Variants in RFESD observed in about 807,000 individuals in gnomAD.
RFESD encodes the protein Rieske Fe-S domain containing, also known as Rieske domain-containing protein.
Under a neutral mutation model 24.4 loss-of-function variants are expected in RFESD, and 16 were observed. That is an observed-to-expected ratio of 0.66 (90% CI 0.44 to 1.00). The LOEUF (loss-of-function observed/expected upper bound fraction) is 1.00, where lower values mean the gene tolerates loss of function less well. RFESD is among the 50% of genes least tolerant of loss of function. The pLI, the probability that RFESD is intolerant of heterozygous loss-of-function variation, is 0.00. For missense variants in RFESD, 208 were observed against 247.0 expected, an observed-to-expected ratio of 0.84 and a Z score of 1.06; for synonymous variants, 59 against 81.8, an observed-to-expected ratio of 0.72 and a Z score of 1.50.
intron 3 of RFESD, 53 bp downstream of exon 3, chr5:95,653,267 T>TA: frequency 6.5e-7 from 1 of 1,548,570 alleles, no homozygotes; most frequent in Non-Finnish European, 8.7e-7. Context: ...CTGTAATAGC[T>TA]ATCTGGTTGT....
intron 1 of RFESD, among the ~76,000 whole-genome samples, chr5:95,651,186 A>C (rs1750318740): frequency 6.6e-6 from 1 of 152,090 alleles, no homozygotes; most frequent in African/African-American, 2.4e-5. Flanking sequence ...TACAATGCAG[A>C]TTCCTTTTGA....
Position 95,656,513 on chromosome 5 carries a change from C to A in RFESD, c.*204C>A. ...ATCAATAGAATACATTTTATCGAAT[C>A]TTCTGGATTAATTAGAAACCTGAAG... is the stretch of plus-strand genomic sequence containing the variant. On this transcript the variant is annotated 3_prime_UTR_variant, in exon 6 of 6. Coordinates refer to ENST00000380005, the MANE Select transcript of RFESD (RefSeq NM_001131066.2). 2.1e-6 allele frequency: 1 copy of A among 484,714 alleles called. No homozygotes were observed. Among genetic ancestry groups the A allele is most frequent in the East Asian group, 3.4e-5 (1 of 29,750 alleles). 30.0% of individuals were successfully genotyped at this position (484,714 alleles called of 1,614,324 possible). A position where few individuals can be genotyped will look rare whatever the true frequency, so the allele number is the denominator to read the frequency against.
Position 95,653,124 on chromosome 5 carries a change from T to C in RFESD, c.68T>C (p.Ile23Thr), listed in dbSNP as rs1344637515. Residue 23 changes from isoleucine to threonine, a missense_variant, in exon 3 of 6, where the codon ATT (isoleucine) becomes ACT (threonine). Coordinates refer to ENST00000380005, the MANE Select transcript of RFESD (RefSeq NM_001131066.2). ...SLSTLPLQYG[I>T]LFPKLLACLV... ...TATTTGCTCTTCTTTCAGTATGGAA[T>C]TCTCTTCCCCAAGCTGTTGGCATGT... 1 of 1,551,718 alleles carries C rather than the reference T, an allele frequency of 6.4e-7. No individual in the cohort carries two copies. Among genetic ancestry groups the C allele is most frequent in the Non-Finnish European group, 8.7e-7 (1 of 1,146,980 alleles).
At chr5:95,654,672 A>G (rs1407296784) in intron 5 of RFESD, among the ~76,000 whole-genome samples, 1 of 152,220 alleles carries the variant, frequency 6.6e-6, no homozygotes, top group Non-Finnish European at 1.5e-5. Flanking sequence ...GGTTAAATAA[A>G]TTATGATACA....
At chr5:95,646,978 A>C (rs1267259672) in intron 1 of RFESD, 161 bp downstream of exon 1, 1 of 152,408 alleles carries the variant, frequency 6.6e-6, no homozygotes, top group Non-Finnish European at 1.5e-5. Flanking sequence ...TAACCCGCCA[A>C]GGCGGGCTTC....
chr5:95,653,743 C>T (rs1313350160), intron 3 of RFESD, among the ~76,000 whole-genome samples: 1 of 151,984 alleles, frequency 6.6e-6, no homozygotes. Context: ...ACTAAAAATA[C>T]AAAAATTAGC....
chr5:95,654,286 A>C, intron 4 of RFESD, 47 bp from the exon 5 acceptor site: 2 of 1,609,236 alleles, frequency 1.2e-6, no homozygotes, highest in South Asian at 2.2e-5. Context: ...AAACTATCAA[A>C]ATTTCAGTTT....
At chr5:95,652,955 CTTCAG>C in intron 2 of RFESD, 157 bp from the exon 3 acceptor site, 1 of 930,068 alleles carries the variant, frequency 1.1e-6, no homozygotes, top group South Asian at 1.9e-5. Flanking sequence ...GCTTTATACT[CTTCAG>C]TGGCTTTCCT....
chr5:95,648,711 C>T (rs1202152093), intron 1 of RFESD, among the ~76,000 whole-genome samples: 1 of 151,984 alleles, frequency 6.6e-6, no homozygotes, highest in Non-Finnish European at 1.5e-5. Flanking sequence ...TTTATCAGTC[C>T]CGTAAAAGTT....
At position 95,653,134 on chromosome 5, in the gene RFESD, C is replaced by G. The variant is rs1032159235; in HGVS notation, c.78C>G (p.Pro26=). The change falls in exon 3 of 6, where the codon CCC becomes CCG. Residue 26 remains proline, a synonymous_variant. Coordinates refer to ENST00000380005, the MANE Select transcript of RFESD (RefSeq NM_001131066.2). ...TLPLQYGILF[P]KLLACLVHLH... is the part of the protein sequence containing the mutation. ...TCTTTCAGTATGGAATTCTCTTCCC[C>G]AAGCTGTTGGCATGTCTAGTTCATT... 3 of 1,551,694 alleles carry G rather than the reference C, an allele frequency of 1.9e-6. No homozygotes were observed. The highest frequency in any genetic ancestry group is 2.6e-6 in the Non-Finnish European group (3 of 1,147,000).
At chr5:95,650,954 C>T (rs1038304916) in intron 1 of RFESD, among the ~76,000 whole-genome samples, 5 of 151,798 alleles carry the variant, frequency 3.3e-5, no homozygotes, top group African/African-American at 4.8e-5. Flanking sequence ...AAAAATTATC[C>T]GGGTGTGGTG....
chr5:95,649,616 T>A (rs1217537647), intron 1 of RFESD, among the ~76,000 whole-genome samples: 1 of 152,224 alleles, frequency 6.6e-6, no homozygotes, highest in Non-Finnish European at 1.5e-5. Flanking sequence ...TGGTATAATT[T>A]TTTGTCAGCC....
chr5:95,649,414 A>G (rs868043247), intron 1 of RFESD, among the ~76,000 whole-genome samples: 5 of 152,030 alleles, frequency 3.3e-5, no homozygotes, highest in Admixed American at 1.3e-4. Flanking sequence ...TCTACTGTTG[A>G]TGGGTTTTGT....
intron 1 of RFESD, chr5:95,647,538 G>C (rs1469102155): frequency 6.6e-6 from 1 of 152,136 alleles, no homozygotes; most frequent in African/African-American, 2.4e-5. Context: ...AACATCATAC[G>C]ATGGTGCTGA....
At position 95,652,154 on chromosome 5, in the gene RFESD, A is replaced by G. The variant is rs1336451914; in HGVS notation, c.-118A>G. The G allele has an allele frequency of 3.0e-6, 4 of 1,312,586 alleles. No individual in the cohort carries two copies. The highest frequency in any genetic ancestry group is 4.4e-5 in the South Asian group (2 of 45,160). The allele number at this position is 1,312,586 out of a possible 1,614,324, so 81.3% of individuals were successfully genotyped here. A position where few individuals can be genotyped will look rare whatever the true frequency, so the allele number is the denominator to read the frequency against. On this transcript the variant is annotated 5_prime_UTR_variant, in exon 2 of 6. Transcript: ENST00000380005. ...TTTTCCAGGTTACCACCTATTTGCAATTCAAGGAGAATATAAGACAGAGAA... is the reference window on the plus strand; with the variant it reads ...TTTTCCAGGTTACCACCTATTTGCAGTTCAAGGAGAATATAAGACAGAGAA...
At chr5:95,650,134 C>A (rs1328031184) in intron 1 of RFESD, among the ~76,000 whole-genome samples, 1 of 152,166 alleles carries the variant, frequency 6.6e-6, no homozygotes, top group African/African-American at 2.4e-5. Context: ...CCATGGTCCT[C>A]TTTGCCTTTG....
Position 95,652,310 on chromosome 5 carries a change from C to A in RFESD, c.39C>A (p.Ser13=). 1 of 1,550,370 alleles carries A rather than the reference C, an allele frequency of 6.5e-7. No homozygotes were observed. The highest frequency in any genetic ancestry group is 8.7e-7 in the Non-Finnish European group (1 of 1,146,270). Residue 13 remains serine, a synonymous_variant, in exon 2 of 6, where the codon TCC becomes TCA. Coordinates refer to ENST00000380005, the MANE Select transcript of RFESD (RefSeq NM_001131066.2). Reference sequence around the variant, plus strand: ...TCAGGAATTGTCTTAGACCTTCTTCCTTATCTACACTTCCTCTCCAAGTGA... The same window carrying A: ...TCAGGAATTGTCTTAGACCTTCTTCATTATCTACACTTCCTCTCCAAGTGA... ...KCFRNCLRPS[S]LSTLPLQYGI... is the part of the protein sequence containing the mutation.
At chr5:95,652,541 T>C (rs1057503611) in intron 2 of RFESD, 2 of 543,274 alleles carry the variant, frequency 3.7e-6, no homozygotes, top group African/African-American at 3.8e-5. Flanking sequence ...CTCCTCACAG[T>C]CTTTGGCACT....
chr5:95,653,985 C>T (rs1750540606), intron 3 of RFESD, 76 bp from the exon 4 acceptor site: 1 of 1,235,240 alleles, frequency 8.1e-7, no homozygotes, highest in Non-Finnish European at 1.1e-6. Context: ...ACTATTCATT[C>T]TTAGGGTTAT....
Sources: gnomAD v4.1 joint callset for allele counts (sites outside exome capture counted in the v4.1 genomes callset) on GRCh38, gnomAD v4.1.1 for gene constraint, MANE v1.5 for transcripts, NCBI Gene and HGNC (gene_info 2026-07-23, HGNC 2026-07-21) for gene names.